The following VAV1 variants were observed in gnomAD, a reference collection of about 807,000 sequenced individuals.
The protein encoded by VAV1 is vav guanine nucleotide exchange factor 1, also known as proto-oncogene vav.
Under a neutral mutation model 128.1 loss-of-function variants are expected in VAV1, and 33 were observed. The ratio of observed to expected loss-of-function variants is 0.26; its 90% CI spans 0.20 to 0.34. The LOEUF (loss-of-function observed/expected upper bound fraction) is 0.34, where lower values mean the gene tolerates loss of function less well. VAV1 is among the 10% of genes least tolerant of loss of function. The pLI, the probability that VAV1 is intolerant of heterozygous loss-of-function variation, is 1.00. For missense variants in VAV1, 715 were observed against 1,093.7 expected, an observed-to-expected ratio of 0.65 and a Z score of 4.88; for synonymous variants, 394 against 409.8, an observed-to-expected ratio of 0.96 and a Z score of 0.47.
At chr19:6,785,911 G>A (rs1172155944) in intron 1 of VAV1, among the ~76,000 whole-genome samples, 1 of 151,510 alleles carries the variant, frequency 6.6e-6, no homozygotes, top group African/African-American at 2.4e-5. Context: ...CGCCCGTCTC[G>A]GCCTCCCAAA....
At chr19:6,778,762 C>T (rs1333148276) in intron 1 of VAV1, among the ~76,000 whole-genome samples, 3 of 151,458 alleles carry the variant, frequency 2.0e-5, no homozygotes, top group African/African-American at 7.3e-5. Flanking sequence ...CCCAATTTTG[C>T]CTGGGTGTGG....
rs71177123 is a variant in VAV1, at chr19:6,844,063, C to CTTTTT, written c.2012+934_2012+938dup. Among the ~76,000 whole-genome samples the CTTTTT allele has an allele frequency of 2.8e-3, 59 of 21,322 alleles. 17 individuals are homozygous for CTTTTT. Among genetic ancestry groups the CTTTTT allele is most frequent in the East Asian group, 0.016 (7 of 446 alleles). The allele number at this position is 21,322 out of a possible 152,430, so 14.0% of individuals were successfully genotyped here. A position where few individuals can be genotyped will look rare whatever the true frequency, so the allele number is the denominator to read the frequency against. On this transcript the variant is annotated intron_variant, in intron 22 of 26. Transcript: ENST00000602142. The stretch of plus-strand genomic sequence containing the variant: ...ACTTTCTTCTTTTCTTCTTCTTCTT[C>CTTTTT]TTTTTTTTTTTTTTTTTTTTTTTTT...
intron 1 of VAV1, among the ~76,000 whole-genome samples, chr19:6,776,451 CCCAT>C (rs1970642150): frequency 4.0e-5 from 5 of 125,604 alleles, no homozygotes; most frequent in African/African-American, 1.5e-4. Context: ...CATCCACCCA[CCCAT>C]CCACCCACCC....
Position 6,833,885 on chromosome 19 carries a change from G to T in VAV1, c.1732-23G>T, listed in dbSNP as rs140180309. On this transcript the variant is annotated intron_variant, in intron 18 of 26. Transcript: ENST00000602142. ...CCCCAGGCTGGGCATAGGTAGACAG[G>T]CTTTCTTTGTTTCTCCTTCCAGGAC... is the stretch of plus-strand genomic sequence containing the variant. The T allele has an allele frequency of 2.5e-4, 405 of 1,614,090 alleles. 1 individual carries two copies. In the African/African-American group the frequency reaches 3.1e-3, roughly 12 times the overall value.
intron 19 of VAV1, 161 bp from the exon 20 acceptor site, chr19:6,836,271 C>A: frequency 2.3e-6 from 2 of 878,160 alleles, no homozygotes; most frequent in Non-Finnish European, 3.4e-6. Context: ...CAAAGAGTAT[C>A]CCCACCAGCA....
chr19:6,848,236 C>G, intron 23 of VAV1, 122 bp downstream of exon 23: 2 of 822,434 alleles, frequency 2.4e-6, no homozygotes, highest in Non-Finnish European at 3.5e-6. Context: ...TTTACTGAGC[C>G]CCTGCTGGTT....
In VAV1 at chr19:6,857,193, C is replaced by T; in HGVS notation, c.*86C>T. Reference sequence around the variant, plus strand: ...AGCGGAGCCAGGGGCTGTGACAGCTCCCGGCGGGTGGAGACTTTGGGATGG... The same window carrying T: ...AGCGGAGCCAGGGGCTGTGACAGCTTCCGGCGGGTGGAGACTTTGGGATGG... On this transcript the variant is annotated 3_prime_UTR_variant, in exon 27 of 27. Coordinates refer to ENST00000602142, the MANE Select transcript of VAV1 (RefSeq NM_005428.4). 1 of 1,582,874 alleles carries T rather than the reference C, an allele frequency of 6.3e-7. No individual in the cohort carries two copies. The highest frequency in any genetic ancestry group is 1.8e-5 in the Admixed American group (1 of 56,678).
chr19:6,832,618 A>ATTCCTCCTCCT (rs1568309705), intron 15 of VAV1, among the ~76,000 whole-genome samples: 3 of 45,752 alleles, frequency 6.6e-5, no homozygotes, highest in Non-Finnish European at 1.3e-4. Flanking sequence ...TTCCTCCTCC[A>ATTCCTCCTCCT]CCTCTTCTTC....
At chr19:6,827,793 T>C (rs1004015653) in intron 9 of VAV1, among the ~76,000 whole-genome samples, 5 of 147,394 alleles carry the variant, frequency 3.4e-5, no homozygotes, top group African/African-American at 1.3e-4. Flanking sequence ...AGAGACGGGG[T>C]TTCCCCGTGT....
chr19:6,852,822 G>A (rs1397821523), intron 24 of VAV1, 143 bp from the exon 25 acceptor site: 4 of 579,716 alleles, frequency 6.9e-6, no homozygotes, highest in Non-Finnish European at 1.2e-5. Context: ...TCCCCATCAT[G>A]GGGAGTATTC....
At chr19:6,807,402 G>A (rs1184303770) in intron 1 of VAV1, among the ~76,000 whole-genome samples, 1 of 152,052 alleles carries the variant, frequency 6.6e-6, no homozygotes, top group African/African-American at 2.4e-5. Flanking sequence ...GTTCACAGTA[G>A]GGTTTGCACT....
Position 6,826,893 on chromosome 19 carries a change from G to C in VAV1, c.927+182G>C, listed in dbSNP as rs1971931536. The C allele has an allele frequency of 9.7e-6, 6 of 618,710 alleles. No homozygotes were observed. The highest frequency in any genetic ancestry group is 1.2e-5 in the Non-Finnish European group (4 of 346,094). The allele number at this position is 618,710 out of a possible 1,614,324, so 38.3% of individuals were successfully genotyped here. A position where few individuals can be genotyped will look rare whatever the true frequency, so the allele number is the denominator to read the frequency against. ...GAGGAAATGGAGAAGAACAGAAATGGGCTGGCCCTGGGTCTGGGCTGACCC... is the reference window on the plus strand; with the variant it reads ...GAGGAAATGGAGAAGAACAGAAATGCGCTGGCCCTGGGTCTGGGCTGACCC... On this transcript the variant is annotated intron_variant, in intron 9 of 26. Transcript: ENST00000602142. The surrounding 1 kb of genome is among the most constrained non-coding windows in gnomAD (Gnocchi z 4.1).
At chr19:6,850,135 A>AC (rs200551288) in intron 23 of VAV1, among the ~76,000 whole-genome samples, 6 of 91,378 alleles carry the variant, frequency 6.6e-5, no homozygotes, top group Admixed American at 1.0e-4. Context: ...AATTTCCCTT[A>AC]CTTTTTTTTT....
At chr19:6,849,592 C>T (rs1599682229) in intron 23 of VAV1, among the ~76,000 whole-genome samples, 1 of 151,934 alleles carries the variant, frequency 6.6e-6, no homozygotes, top group South Asian at 2.1e-4. Flanking sequence ...GGATTACAGG[C>T]GTGAGCCACT....
intron 1 of VAV1, among the ~76,000 whole-genome samples, chr19:6,786,683 T>C (rs1443958856): frequency 6.6e-6 from 1 of 152,078 alleles, no homozygotes; most frequent in Non-Finnish European, 1.5e-5. Context: ...CTCAAGAGGC[T>C]GAGGTGGAAG....
chr19:6,827,749 C>T (rs1449937622), intron 9 of VAV1, among the ~76,000 whole-genome samples: 1 of 137,852 alleles, frequency 7.3e-6, no homozygotes, highest in Non-Finnish European at 1.5e-5. Flanking sequence ...CAGGAGTCTG[C>T]CACCACGCCA....
intron 26 of VAV1, 109 bp downstream of exon 26, chr19:6,854,207 T>G (rs537768364): frequency 5.1e-5 from 72 of 1,408,520 alleles, no homozygotes; most frequent in Middle Eastern, 5.1e-4. Flanking sequence ...CATGGAGATC[T>G]CTCACGGTGG....
intron 1 of VAV1, among the ~76,000 whole-genome samples, chr19:6,791,435 C>T (rs573697152): frequency 1.3e-5 from 2 of 151,656 alleles, no homozygotes; most frequent in Non-Finnish European, 2.9e-5. Flanking sequence ...TATCTCATCT[C>T]AAGGTCCTTG....
rs1229831976 is a variant in VAV1 at position 6,833,598 on chromosome 19, G to T, written c.1681G>T (p.Val561Phe). 7 of 1,613,704 alleles carry T rather than the reference G, an allele frequency of 4.3e-6. No individual in the cohort carries two copies. Among genetic ancestry groups the T allele is most frequent in the Non-Finnish European group, 5.9e-6 (7 of 1,179,816 alleles). The change falls in exon 17 of 27, where the codon GTC becomes TTC. Residue 561 changes from valine to phenylalanine, a missense_variant. By Grantham distance (50) the Val-to-Phe change is conservative. Coordinates refer to ENST00000602142, the MANE Select transcript of VAV1 (RefSeq NM_005428.4). ...TGCACACAAGGAGTGTCTGGGGAGG[G>T]TCCCTCCATGTGGCCGACATGGGCA... Reference protein sequence around the residue: ...ASAHKECLGRVPPCGRHGQDF... With the variant: ...ASAHKECLGRFPPCGRHGQDF...
Sources: gnomAD v4.1 joint callset for allele counts (sites outside exome capture counted in the v4.1 genomes callset) on GRCh38, gnomAD v4.1.1 for gene constraint, Gnocchi (gnomAD v3.1) non-coding constraint, MANE v1.5 for transcripts, NCBI Gene and HGNC (gene_info 2026-07-23, HGNC 2026-07-21) for gene names.